DNM3: variants seen among roughly 807,000 people sequenced by gnomAD.
DNM3 encodes the protein dynamin 3.
Under a neutral mutation model 101.6 loss-of-function variants are expected in DNM3, and 47 were observed. The ratio of observed to expected loss-of-function variants is 0.46; its 90% CI spans 0.37 to 0.59. The LOEUF (loss-of-function observed/expected upper bound fraction) is 0.59. DNM3 is among the 20% of genes least tolerant of loss of function. DNM3 has a pLI of 0.00. For missense variants in DNM3, 849 were observed against 1,085.7 expected, an observed-to-expected ratio of 0.78 and a Z score of 3.06; for synonymous variants, 385 against 387.9, an observed-to-expected ratio of 0.99 and a Z score of 0.09.
chr1:172,078,447 T>G (rs1006098324), intron 11 of DNM3, among the ~76,000 whole-genome samples: 1 of 146,266 alleles, frequency 6.8e-6, no homozygotes, highest in Non-Finnish European at 1.5e-5. Flanking sequence ...CAACCCTGCT[T>G]TTTTTTTTTT....
chr1:171,899,091 T>C (rs2038076166), intron 1 of DNM3, among the ~76,000 whole-genome samples: 1 of 152,156 alleles, frequency 6.6e-6, no homozygotes, highest in African/African-American at 2.4e-5. Flanking sequence ...CTGAGGCCTG[T>C]TTGTTGTTAG....
At chr1:171,959,066 G>A (rs983448207) in intron 2 of DNM3, among the ~76,000 whole-genome samples, 2 of 152,098 alleles carry the variant, frequency 1.3e-5, no homozygotes, top group Non-Finnish European at 2.9e-5. Flanking sequence ...GTTGGTTAGA[G>A]ATGCACAGGT....
intron 14 of DNM3, among the ~76,000 whole-genome samples, chr1:172,243,739 G>A (rs926680906): frequency 2.6e-5 from 4 of 152,106 alleles, no homozygotes; most frequent in Non-Finnish European, 4.4e-5. Context: ...GCAACCTGCT[G>A]GTTCACAGAT....
In DNM3 at chr1:172,257,895, CACACACACACAGACAAACAG is replaced by C. The variant is rs1184809292; in HGVS notation, c.1769+4225_1769+4244del. ...CCCCACCAACACACACACACACACACACACACACACAGACAAACAGACACACACACAAACACACACACACA... is the reference window on the plus strand; with the variant it reads ...CCCCACCAACACACACACACACACACACACACACACAAACACACACACACA... On this transcript the variant is annotated intron_variant, in intron 15 of 20. Coordinates refer to ENST00000627582, the MANE Select transcript of DNM3 (RefSeq NM_015569.5). 4.7e-3 allele frequency among the ~76,000 whole-genome samples: 709 copies of C among 151,866 alleles called. 3 individuals carry two copies. Among genetic ancestry groups the C allele is most frequent in the African/African-American group, 0.016 (670 of 41,402 alleles).
intron 2 of DNM3, among the ~76,000 whole-genome samples, chr1:171,922,144 TGTGTGTGTGTGC>T (rs1441343330): frequency 1.1e-4 from 15 of 133,780 alleles, no homozygotes; most frequent in Admixed American, 3.6e-4. Context: ...TGTGTGTGTG[TGTGTGTGTGTGC>T]GTATGTGTGC....
chr1:172,089,081 C>T (rs760094036), intron 12 of DNM3, among the ~76,000 whole-genome samples: 18 of 152,338 alleles, frequency 1.2e-4, no homozygotes, highest in Admixed American at 5.9e-4. Flanking sequence ...CGTGCACACA[C>T]GCACACACAT....
At chr1:172,315,648 A>G (rs971680048) in intron 16 of DNM3, among the ~76,000 whole-genome samples, 1 of 152,228 alleles carries the variant, frequency 6.6e-6, no homozygotes, top group Non-Finnish European at 1.5e-5. Context: ...CTGATGGAAG[A>G]TGAAATGAAT....
chr1:172,144,401 T>A (rs1014494043), intron 14 of DNM3: 3 of 221,820 alleles, frequency 1.4e-5, no homozygotes, highest in African/African-American at 7.0e-5. Flanking sequence ...TTCTCAGCAG[T>A]GTCCCCGAGG....
intron 17 of DNM3, among the ~76,000 whole-genome samples, chr1:172,326,834 AT>A (rs1168730241): frequency 6.6e-6 from 1 of 152,158 alleles, no homozygotes; most frequent in Non-Finnish European, 1.5e-5. Flanking sequence ...TCAGAAATCA[AT>A]GCTTCAAAAA....
intron 10 of DNM3, among the ~76,000 whole-genome samples, chr1:172,054,503 C>T (rs886978212): frequency 6.6e-6 from 1 of 152,012 alleles, no homozygotes; most frequent in Non-Finnish European, 1.5e-5. Flanking sequence ...AGAGGAACAT[C>T]TTGATTTTTT....
intron 11 of DNM3, among the ~76,000 whole-genome samples, chr1:172,081,244 ACAC>A (rs1333872854): frequency 6.6e-6 from 1 of 152,132 alleles, no homozygotes; most frequent in Non-Finnish European, 1.5e-5. Flanking sequence ...CTATAGGCAC[ACAC>A]CACCATGCCC....
intron 1 of DNM3, among the ~76,000 whole-genome samples, chr1:171,894,473 C>T (rs776066878): frequency 2.4e-4 from 36 of 151,776 alleles, no homozygotes; most frequent in Admixed American, 3.9e-4. Context: ...GGCATGATCT[C>T]GGCTCACTGC....
At chr1:172,279,807 A>G (rs1158143491) in intron 15 of DNM3, among the ~76,000 whole-genome samples, 1 of 152,054 alleles carries the variant, frequency 6.6e-6, no homozygotes, top group African/African-American at 2.4e-5. Context: ...CGGCCTAGTC[A>G]TCTCTTTGAC....
At chr1:172,395,483 T>A (rs949420033) in intron 20 of DNM3, among the ~76,000 whole-genome samples, 2 of 152,122 alleles carry the variant, frequency 1.3e-5, no homozygotes. Flanking sequence ...GAAGCAAAAT[T>A]TAAATAACGT....
chr1:171,969,827 G>A (rs1035748006), intron 2 of DNM3, among the ~76,000 whole-genome samples: 1 of 152,122 alleles, frequency 6.6e-6, no homozygotes, highest in African/African-American at 2.4e-5. Context: ...ATCCTAGGAG[G>A]TAGGTGACAC....
intron 13 of DNM3, among the ~76,000 whole-genome samples, chr1:172,125,088 G>A (rs2056547726): frequency 1.3e-5 from 2 of 152,114 alleles, no homozygotes; most frequent in Non-Finnish European, 2.9e-5. Context: ...TAGGCTCCAA[G>A]GTATGTGAAC....
intron 14 of DNM3, among the ~76,000 whole-genome samples, chr1:172,248,553 T>C (rs2062044963): frequency 6.6e-6 from 1 of 151,942 alleles, no homozygotes; most frequent in African/African-American, 2.4e-5. Context: ...AAGAAAAAGG[T>C]CTATGATGTG....
At chr1:171,993,563 G>T (rs1162290377) in intron 4 of DNM3, among the ~76,000 whole-genome samples, 1 of 144,828 alleles carries the variant, frequency 6.9e-6, no homozygotes, top group East Asian at 2.1e-4. Flanking sequence ...ATCTTGTTGA[G>T]TTTATCCTAC....
chr1:172,415,744 G>A (rs1177301259), downstream of DNM3, among the ~76,000 whole-genome samples: 3 of 151,908 alleles, frequency 2.0e-5, no homozygotes, highest in Admixed American at 2.0e-4. Flanking sequence ...TGGCCAGGCT[G>A]GTCTCGAACT....
Sources: gnomAD v4.1 joint callset for allele counts (sites outside exome capture counted in the v4.1 genomes callset) on GRCh38, gnomAD v4.1.1 for gene constraint, MANE v1.5 for transcripts, NCBI Gene and HGNC (gene_info 2026-07-23, HGNC 2026-07-21) for gene names.